KLRF2: variants seen among roughly 807,000 people sequenced by gnomAD.
The protein encoded by KLRF2 is killer cell lectin-like receptor subfamily F member 2.
A neutral mutation model predicts 25.3 loss-of-function variants in KLRF2; 28 were observed. The ratio of observed to expected loss-of-function variants is 1.11; its 90% CI spans 0.82 to 1.52. The LOEUF (loss-of-function observed/expected upper bound fraction) is 1.52, where lower values mean the gene tolerates loss of function less well. Among genes scored for constraint, KLRF2 ranks in the 40% most tolerant of loss-of-function variants. The pLI, the probability that KLRF2 is intolerant of heterozygous loss-of-function variation, is 0.00. For synonymous variants in KLRF2, 73 were observed against 85.0 expected (o/e 0.86, Z 0.78); for missense variants, 265 against 245.8 (o/e 1.08, Z -0.52).
At chr12:9,894,167 C>G (rs1215133366) in intron 5 of KLRF2, among the ~76,000 whole-genome samples, 1 of 128,112 alleles carries the variant, frequency 7.8e-6, no homozygotes, top group African/African-American at 3.1e-5. Flanking sequence ...TCCCTTCCTT[C>G]TTTGTTTCTT....
At chr12:9,888,852 T>A in intron 3 of KLRF2, 72 bp downstream of exon 3, 1 of 868,158 alleles carries the variant, frequency 1.2e-6, no homozygotes, top group Non-Finnish European at 1.8e-6. Flanking sequence ...CTTCCTGGCG[T>A]TCACCCATGT....
chr12:9,886,600 AC>A (rs1396394647), intron 2 of KLRF2, among the ~76,000 whole-genome samples: 1 of 152,186 alleles, frequency 6.6e-6, no homozygotes, highest in Non-Finnish European at 1.5e-5. Context: ...ATTCTTTAAT[AC>A]ATACAATGCT....
At chr12:9,885,103 C>T in intron 2 of KLRF2, 71 bp downstream of exon 2, 1 of 468,994 alleles carries the variant, frequency 2.1e-6, no homozygotes, top group Non-Finnish European at 3.4e-6. Flanking sequence ...CCTCTTAATG[C>T]CAAGATAAAC....
intron 1 of KLRF2, among the ~76,000 whole-genome samples, chr12:9,883,353 CT>C (rs1440525159): frequency 6.6e-6 from 1 of 152,178 alleles, no homozygotes; most frequent in Non-Finnish European, 1.5e-5. Flanking sequence ...TCATATAGCC[CT>C]GTGTAAGCCA....
intron 3 of KLRF2, among the ~76,000 whole-genome samples, chr12:9,889,080 T>C (rs1238705037): frequency 6.6e-6 from 1 of 152,220 alleles, no homozygotes; most frequent in Non-Finnish European, 1.5e-5. Flanking sequence ...CATCCACTGA[T>C]AGGTGTGACA....
intron 3 of KLRF2, among the ~76,000 whole-genome samples, chr12:9,891,092 T>G (rs1862671489): frequency 6.6e-6 from 1 of 151,910 alleles, no homozygotes; most frequent in East Asian, 1.9e-4. Flanking sequence ...TAGGTCATGG[T>G]TGGGCACAAT....
intron 3 of KLRF2, among the ~76,000 whole-genome samples, 156 bp downstream of exon 3, chr12:9,888,936 G>T (rs1397504481): frequency 1.3e-5 from 2 of 152,140 alleles, no homozygotes; most frequent in East Asian, 3.8e-4. Flanking sequence ...CAGTGCCATT[G>T]CTGTGTATCA....
intron 5 of KLRF2, among the ~76,000 whole-genome samples, chr12:9,894,232 A>T (rs1862728046): frequency 7.1e-6 from 1 of 141,260 alleles, no homozygotes; most frequent in East Asian, 2.1e-4. Context: ...CTCAGGCTGG[A>T]GTGCAGTGGC....
intron 3 of KLRF2, 68 bp from the exon 4 acceptor site, chr12:9,892,952 T>C: frequency 7.9e-7 from 1 of 1,273,702 alleles, no homozygotes; most frequent in Non-Finnish European, 1.1e-6. Flanking sequence ...GTAGTCACAT[T>C]TGATAATATT....
intron 2 of KLRF2, among the ~76,000 whole-genome samples, chr12:9,887,878 C>T (rs1241520604): frequency 6.6e-6 from 1 of 150,542 alleles, no homozygotes; most frequent in Non-Finnish European, 1.5e-5. Flanking sequence ...ATGGTGAAAC[C>T]CCGTCCCTAA....
chr12:9,881,578 CATT>C lies in KLRF2; in HGVS notation c.-16_-14del. 1 of 1,493,206 alleles carries C rather than the reference CATT, an allele frequency of 6.7e-7. No individual in the cohort carries two copies. Among genetic ancestry groups the C allele is most frequent in the Non-Finnish European group, 9.0e-7 (1 of 1,108,378 alleles). 92.5% of individuals were successfully genotyped at this position (1,493,206 alleles called of 1,614,324 possible). A position where few individuals can be genotyped will look rare whatever the true frequency, so the allele number is the denominator to read the frequency against. ...TTGTACTATTTTCTGGATAATAAGA[CATT>C]AGACATTTGAAGAGATGGAGAATGA... is the stretch of plus-strand genomic sequence containing the variant. On this transcript the variant is annotated 5_prime_UTR_variant, in exon 1 of 6. Coordinates refer to ENST00000535540, the MANE Select transcript of KLRF2 (RefSeq NM_001190765.1).
At position 9,884,955 on chromosome 12, in the gene KLRF2, A is replaced by G; in HGVS notation, c.92A>G (p.Tyr31Cys). ...TCAGATTTCTCCCTATATCCACAAT[A>G]TTATTGTCTTCTGCTCATATTTGGA... is the stretch of plus-strand genomic sequence containing the variant. ...KSKDFSLYPQ[Y>C]YCLLLIFGCI... The change falls in exon 2 of 6, where the codon TAT (tyrosine) becomes TGT (cysteine). Residue 31 changes from tyrosine to cysteine, a missense_variant. Transcript: ENST00000535540. 1 of 1,287,032 alleles carries G rather than the reference A, an allele frequency of 7.8e-7. No homozygotes were observed. The highest frequency in any genetic ancestry group is 1.0e-6 in the Non-Finnish European group (1 of 990,800). The allele number at this position is 1,287,032 out of a possible 1,614,324, so 79.7% of individuals were successfully genotyped here.
At chr12:9,891,084 G>A (rs557878979) in intron 3 of KLRF2, among the ~76,000 whole-genome samples, 42 of 149,640 alleles carry the variant, frequency 2.8e-4, no homozygotes, top group Non-Finnish European at 5.8e-4. Context: ...TCAAAAGGTA[G>A]GTCATGGTTG....
At chr12:9,891,804 G>T (rs1862679033) in intron 3 of KLRF2, among the ~76,000 whole-genome samples, 1 of 151,930 alleles carries the variant, frequency 6.6e-6, no homozygotes, top group Non-Finnish European at 1.5e-5. Flanking sequence ...AATTATACTT[G>T]CTCAGGTTAC....
At chr12:9,893,595 A>G (rs1210042483) in intron 5 of KLRF2, 54 bp downstream of exon 5, 1 of 614,998 alleles carries the variant, frequency 1.6e-6, no homozygotes, top group South Asian at 2.8e-5. Context: ...TTATTTTTAT[A>G]TTAAACTTCT....
In KLRF2 at chr12:9,890,509, G is replaced by A. The variant is rs1208535408; in HGVS notation, c.217+1729G>A. 3.9e-5 allele frequency among the ~76,000 whole-genome samples: 6 copies of A among 152,076 alleles called. No homozygotes were observed. In the East Asian group the frequency reaches 5.8e-4, roughly 15 times the overall value. ...TTCAGCTATGACTCCTCTAAGCTTC[G>A]GGAGGCCTCTGCATGCATTTACCAC... On this transcript the variant is annotated intron_variant, in intron 3 of 5. Transcript: ENST00000535540.
intron 1 of KLRF2, among the ~76,000 whole-genome samples, chr12:9,884,455 C>A (rs1394447971): frequency 1.3e-5 from 2 of 151,320 alleles, no homozygotes; most frequent in African/African-American, 2.4e-5. Context: ...ATAAATATTT[C>A]TTTCCCTCTT....
chr12:9,888,511 A>G (rs1862633603), intron 2 of KLRF2, among the ~76,000 whole-genome samples: 1 of 152,026 alleles, frequency 6.6e-6, no homozygotes, highest in African/African-American at 2.4e-5. Flanking sequence ...AAAAATAATA[A>G]AAATTAAAAA....
chr12:9,894,902 G>T (rs1474907272), intron 5 of KLRF2, among the ~76,000 whole-genome samples: 1 of 151,732 alleles, frequency 6.6e-6, no homozygotes, highest in Non-Finnish European at 1.5e-5. Flanking sequence ...TACTATAAAG[G>T]TAAAATATCA....
Sources: gnomAD v4.1 joint callset for allele counts (sites outside exome capture counted in the v4.1 genomes callset) on GRCh38, gnomAD v4.1.1 for gene constraint, MANE v1.5 for transcripts, NCBI Gene and HGNC (gene_info 2026-07-23, HGNC 2026-07-21) for gene names.